Variants in ESR2 observed in about 807,000 individuals in gnomAD.
The protein encoded by ESR2 is estrogen receptor beta.
A neutral mutation model predicts 49.6 loss-of-function variants in ESR2; 36 were observed. The observed-to-expected ratio is 0.73, with a 90% CI of 0.56 to 0.96. The LOEUF (loss-of-function observed/expected upper bound fraction) is 0.96. ESR2 is among the 40% of genes least tolerant of loss of function. The pLI is 0.00. For missense variants in ESR2, 714 were observed against 693.0 expected (o/e 1.03, Z -0.34); for synonymous variants, 320 against 266.1 (o/e 1.20, Z -1.97).
Position 64,257,335 on chromosome 14 carries a change from C to T in ESR2, c.982G>A (p.Val328Met). Residue 328 changes from valine (V) to methionine (M), a missense_variant, in exon 6 of 9, where the codon GTG becomes ATG. Transcript: ENST00000341099. ...GFVELSLFDQ[V>M]RLLESCWMEV... ...ATCCAACAGCTCTCCAAGAGCCGCA[C>T]TTGGTCGAACAGGCTGAGCTCCACA... The T allele has an allele frequency of 1.9e-6, 3 of 1,613,424 alleles. No individual in the cohort carries two copies. The highest frequency in any genetic ancestry group is 2.5e-6 in the Non-Finnish European group (3 of 1,180,028).
intron 2 of ESR2, among the ~76,000 whole-genome samples, chr14:64,280,951 G>T (rs1160864719): frequency 6.6e-6 from 1 of 152,204 alleles, no homozygotes; most frequent in Non-Finnish European, 1.5e-5. Flanking sequence ...AGAGGTTGCA[G>T]TGAGCCAAGA....
At chr14:64,337,344 A>T (rs573735277) in intron 1 of ESR2, 1 of 152,358 alleles carries the variant, frequency 6.6e-6, no homozygotes, top group South Asian at 2.1e-4. Context: ...ACCAGTTGAA[A>T]TGGTCAATAT....
intron 1 of ESR2, among the ~76,000 whole-genome samples, chr14:64,326,057 T>C (rs1274710977): frequency 4.6e-5 from 7 of 152,120 alleles, no homozygotes; most frequent in African/African-American, 1.4e-4. Context: ...TCAACTAGTT[T>C]TGACAACTGA....
intron 1 of ESR2, among the ~76,000 whole-genome samples, chr14:64,299,584 G>A (rs1028204114): frequency 6.6e-6 from 1 of 152,054 alleles, no homozygotes; most frequent in East Asian, 1.9e-4. Context: ...GGATGGTCTC[G>A]ATCTCCTGGC....
intron 1 of ESR2, among the ~76,000 whole-genome samples, chr14:64,322,518 G>GAAA (rs35866794): frequency 1.2e-5 from 1 of 86,468 alleles, no homozygotes; most frequent in Non-Finnish European, 2.7e-5. Flanking sequence ...CCACAGAAAG[G>GAAA]AAAAAAAAAA....
intron 6 of ESR2, among the ~76,000 whole-genome samples, chr14:64,250,033 T>G (rs1021902142): frequency 2.0e-5 from 3 of 152,188 alleles, no homozygotes; most frequent in Admixed American, 1.3e-4. Flanking sequence ...ACCATATCAG[T>G]CAACCAGCCC....
At chr14:64,254,080 A>C (rs2140698571) in intron 6 of ESR2, among the ~76,000 whole-genome samples, 1 of 152,286 alleles carries the variant, frequency 6.6e-6, no homozygotes, top group South Asian at 2.1e-4. Context: ...CTCAGTAGAC[A>C]CAAGTTTTCT....
intron 1 of ESR2, among the ~76,000 whole-genome samples, chr14:64,326,291 A>G (rs2077389140): frequency 6.6e-6 from 1 of 152,098 alleles, no homozygotes; most frequent in South Asian, 2.1e-4. Flanking sequence ...TCACTCAATG[A>G]AGATTTGGGG....
intron 7 of ESR2, among the ~76,000 whole-genome samples, chr14:64,242,923 CAT>C (rs1329384132): frequency 4.6e-5 from 7 of 152,216 alleles, no homozygotes; most frequent in African/African-American, 1.7e-4. Context: ...AGGCACATCT[CAT>C]GTGGCGGCAG....
chr14:64,260,310 A>C lies in ESR2; in HGVS notation c.952+139T>G, dbSNP rs547608708. On this transcript the variant is annotated intron_variant, in intron 5 of 8. Transcript: ENST00000341099. ...CAGAAGGAAGGAACATATTGCACTT[A>C]AAAGTTACAAATCCAGCTGAGGACC... The C allele has an allele frequency of 1.1e-3, 974 of 892,032 alleles. 3 individuals carry two copies. Among genetic ancestry groups the C allele is most frequent in the Middle Eastern group, 4.5e-3 (21 of 4,682 alleles). 55.3% of individuals were successfully genotyped at this position (892,032 alleles called of 1,614,324 possible). A position where few individuals can be genotyped will look rare whatever the true frequency, so the allele number is the denominator to read the frequency against.
chr14:64,287,355 A>G (rs1281055330), intron 1 of ESR2, among the ~76,000 whole-genome samples: 1 of 152,236 alleles, frequency 6.6e-6, no homozygotes, highest in Non-Finnish European at 1.5e-5. Context: ...AATCAGGTGC[A>G]TGGCAACTTT....
chr14:64,280,231 G>T, intron 2 of ESR2, 78 bp from the exon 3 acceptor site: 1 of 996,024 alleles, frequency 1.0e-6, no homozygotes, highest in Non-Finnish European at 1.6e-6. Flanking sequence ...AAAATAGCAT[G>T]AACATTGCCT....
At chr14:64,259,531 C>T (rs748589517) in intron 5 of ESR2, among the ~76,000 whole-genome samples, 4 of 152,318 alleles carry the variant, frequency 2.6e-5, no homozygotes, top group Middle Eastern at 6.8e-3. Flanking sequence ...ATTCACTCCT[C>T]CACAGAAACA....
At chr14:64,285,335 C>T (rs903921702) in intron 1 of ESR2, among the ~76,000 whole-genome samples, 10 of 152,260 alleles carry the variant, frequency 6.6e-5, no homozygotes, top group Admixed American at 3.9e-4. Flanking sequence ...TTGCCTCAAC[C>T]CATCATTCCA....
At chr14:64,296,504 T>G (rs745372848), upstream of ESR2, among the ~76,000 whole-genome samples, 6 of 152,198 alleles carry the variant, frequency 3.9e-5, no homozygotes, top group Non-Finnish European at 7.3e-5. Context: ...TTCAGGAAGG[T>G]TAAACAACCT....
intron 1 of ESR2, among the ~76,000 whole-genome samples, chr14:64,288,129 T>C (rs928349210): frequency 7.2e-5 from 11 of 152,216 alleles, no homozygotes; most frequent in Admixed American, 3.3e-4. Flanking sequence ...CACACACCCC[T>C]GTATTTGGCC....
At chr14:64,227,744 C>A (rs2098722918), downstream of ESR2, 9 of 1,551,512 alleles carry the variant, frequency 5.8e-6, no homozygotes, top group South Asian at 1.1e-4. Flanking sequence ...TGGTTTGCTC[C>A]CCATCTCCAG....
At chr14:64,303,091 C>T (rs377173894) in intron 1 of ESR2, among the ~76,000 whole-genome samples, 6 of 152,136 alleles carry the variant, frequency 3.9e-5, no homozygotes, top group Admixed American at 1.3e-4. Flanking sequence ...TGAGCCACCG[C>T]GCCCAGCCAA....
upstream of ESR2, among the ~76,000 whole-genome samples, chr14:64,294,936 G>A (rs775497941): frequency 3.9e-5 from 6 of 152,246 alleles, no homozygotes; most frequent in Non-Finnish European, 7.3e-5. Context: ...CTCACTTGAA[G>A]TGGCACCGGG....
Sources: gnomAD v4.1 joint callset for allele counts (sites outside exome capture counted in the v4.1 genomes callset) on GRCh38, gnomAD v4.1.1 for gene constraint, MANE v1.5 for transcripts, NCBI Gene and HGNC (gene_info 2026-07-23, HGNC 2026-07-21) for gene names.